Variants in PCDH9 observed in about 807,000 individuals in gnomAD.
PCDH9 encodes protocadherin-9.
PCDH9 carries 24 observed loss-of-function variants against 70.6 expected under a neutral mutation model. That is an observed-to-expected ratio of 0.34 (90% confidence interval 0.25 to 0.48). The LOEUF (loss-of-function observed/expected upper bound fraction) is 0.48, where lower values mean the gene tolerates loss of function less well. Among genes scored for constraint, PCDH9 ranks in the 20% least tolerant of loss-of-function variants. The probability of loss-of-function intolerance (pLI) is 0.99; values close to 1 mark genes in which losing one functional copy is unlikely to be tolerated. For missense variants in PCDH9, 1,281 were observed against 1,503.6 expected (o/e 0.85, Z 2.45); for synonymous variants, 562 against 558.5 (o/e 1.01, Z -0.09).
intron 3 of PCDH9, among the ~76,000 whole-genome samples, chr13:66,872,128 A>C (rs369538921): frequency 6.6e-6 from 1 of 152,178 alleles, no homozygotes; most frequent in Non-Finnish European, 1.5e-5. Flanking sequence ...CTAAATTATG[A>C]AAGTATATGC....
intron 4 of PCDH9, among the ~76,000 whole-genome samples, chr13:66,436,049 T>A (rs775262168): frequency 6.6e-6 from 1 of 152,188 alleles, no homozygotes; most frequent in Non-Finnish European, 1.5e-5. Context: ...GTAATCATAA[T>A]AAATCTCAAT....
chr13:67,184,656 A>G (rs1415811632), intron 2 of PCDH9, among the ~76,000 whole-genome samples: 2 of 152,128 alleles, frequency 1.3e-5, no homozygotes, highest in South Asian at 4.1e-4. Context: ...GCTTGAACCC[A>G]GGAGGCTGAG....
intron 2 of PCDH9, among the ~76,000 whole-genome samples, chr13:67,029,452 G>C (rs2084860531): frequency 6.6e-6 from 1 of 151,964 alleles, no homozygotes; most frequent in Non-Finnish European, 1.5e-5. Flanking sequence ...TATCTTTTCT[G>C]GTATCTCCTA....
chr13:66,452,216 C>T (rs182783582), intron 4 of PCDH9, among the ~76,000 whole-genome samples: 2 of 152,228 alleles, frequency 1.3e-5, no homozygotes, highest in African/African-American at 2.4e-5. Context: ...GAGGATGGGA[C>T]ATTTTTTCCA....
In PCDH9 at chr13:66,639,540, G is replaced by A. The variant is rs561107557; in HGVS notation, c.3139-8129C>T. Among the ~76,000 whole-genome samples, 6 of 152,172 alleles carry A rather than the reference G, an allele frequency of 3.9e-5. No homozygotes were observed. The South Asian group carries it at 1.2e-3, about 32-fold the overall frequency. ...CATCTATCATGTGAAAAAACAATTG[G>A]TATCTTTAAGAAACTTGAGAGAAAA... On this transcript the variant is annotated intron_variant, in intron 3 of 4. Coordinates refer to ENST00000377865, the MANE Select transcript of PCDH9 (RefSeq NM_203487.3).
intron 3 of PCDH9, among the ~76,000 whole-genome samples, chr13:66,760,725 T>C (rs770846831): frequency 2.0e-5 from 3 of 152,186 alleles, no homozygotes; most frequent in Non-Finnish European, 2.9e-5. Context: ...GTCATATTTC[T>C]CTTCTTGCAA....
intron 2 of PCDH9, among the ~76,000 whole-genome samples, chr13:67,155,197 G>A (rs1427654155): frequency 6.6e-6 from 1 of 152,236 alleles, no homozygotes; most frequent in South Asian, 2.1e-4. Flanking sequence ...AAACTGTCTG[G>A]AACTGAATGC....
intron 3 of PCDH9, among the ~76,000 whole-genome samples, chr13:66,812,216 G>A (rs942619635): frequency 2.6e-5 from 4 of 152,022 alleles, no homozygotes; most frequent in Admixed American, 6.6e-5. Flanking sequence ...GTTTTTTAAT[G>A]GAAGAAAAGG....
At chr13:66,402,155 G>A (rs1381196281) in intron 4 of PCDH9, among the ~76,000 whole-genome samples, 2 of 151,948 alleles carry the variant, frequency 1.3e-5, no homozygotes, top group Non-Finnish European at 2.9e-5. Flanking sequence ...GAATTGATAC[G>A]TGATATTTGA....
At chr13:66,960,971 C>T (rs2083336556) in intron 2 of PCDH9, among the ~76,000 whole-genome samples, 1 of 152,078 alleles carries the variant, frequency 6.6e-6, no homozygotes, top group Non-Finnish European at 1.5e-5. Context: ...TGAAAAGTAG[C>T]AACTGTAAAA....
chr13:66,741,939 T>G (rs1463306911), intron 3 of PCDH9, among the ~76,000 whole-genome samples: 2 of 150,180 alleles, frequency 1.3e-5, no homozygotes, highest in African/African-American at 2.5e-5. Context: ...ATAGAGTCAA[T>G]GCCATCCCCA....
At chr13:66,776,817 A>G (rs1049036195) in intron 3 of PCDH9, among the ~76,000 whole-genome samples, 6 of 141,980 alleles carry the variant, frequency 4.2e-5, no homozygotes, top group African/African-American at 7.7e-5. Flanking sequence ...AGCCCGCATC[A>G]CCAAGTCAAT....
intron 4 of PCDH9, among the ~76,000 whole-genome samples, chr13:66,591,709 A>T (rs2077041246): frequency 6.6e-6 from 1 of 151,280 alleles, no homozygotes; most frequent in Admixed American, 6.6e-5. Flanking sequence ...ATAAGCCATT[A>T]AAAAAAACCT....
At chr13:66,840,345 G>A (rs2081095181) in intron 3 of PCDH9, among the ~76,000 whole-genome samples, 1 of 152,108 alleles carries the variant, frequency 6.6e-6, no homozygotes, top group Non-Finnish European at 1.5e-5. Context: ...TTTTGCATTT[G>A]CAAGTATTTG....
intron 2 of PCDH9, among the ~76,000 whole-genome samples, chr13:66,928,005 T>C (rs2082743669): frequency 6.6e-6 from 1 of 152,060 alleles, no homozygotes; most frequent in African/African-American, 2.4e-5. Flanking sequence ...CATATCCCTC[T>C]CTCTGCACCC....
At chr13:66,872,901 A>G (rs1387539731) in intron 3 of PCDH9, among the ~76,000 whole-genome samples, 2 of 152,168 alleles carry the variant, frequency 1.3e-5, no homozygotes, top group Non-Finnish European at 2.9e-5. Flanking sequence ...GTCTGAAAGG[A>G]TGATGGCAAC....
chr13:66,635,105 G>A (rs1027366054), intron 3 of PCDH9, among the ~76,000 whole-genome samples: 16 of 152,126 alleles, frequency 1.1e-4, no homozygotes, highest in African/African-American at 3.9e-4. Flanking sequence ...GGTTATAAAT[G>A]TAGTCAAATC....
chr13:66,643,770 C>T (rs1357757800), intron 3 of PCDH9, among the ~76,000 whole-genome samples: 1 of 151,944 alleles, frequency 6.6e-6, no homozygotes, highest in African/African-American at 2.4e-5. Context: ...GGTAAACATC[C>T]TAAAATAGTA....
At chr13:66,329,697 G>A (rs1955905457) in intron 4 of PCDH9, among the ~76,000 whole-genome samples, 1 of 152,160 alleles carries the variant, frequency 6.6e-6, no homozygotes, top group African/African-American at 2.4e-5. Flanking sequence ...CTGTTTCTCA[G>A]CTCTTAATAG....
Sources: gnomAD v4.1 joint callset for allele counts (sites outside exome capture counted in the v4.1 genomes callset) on GRCh38, gnomAD v4.1.1 for gene constraint, MANE v1.5 for transcripts, NCBI Gene and HGNC (gene_info 2026-07-23, HGNC 2026-07-21) for gene names.